The following ABTB3 variants were observed in gnomAD, a reference collection of about 807,000 sequenced individuals.
ABTB3 encodes ankyrin repeat- and BTB/POZ domain-containing protein 3.
At chr12:107,419,612 G>C in the ABTB3 span, among the ~76,000 whole-genome samples, 1 of 152,090 alleles carries the variant, frequency 6.6e-6, no homozygotes, top group African/African-American at 2.4e-5. Context: ...GTTACCCCCA[G>C]CTGCTTAACC....
At chr12:107,576,508 G>T in the ABTB3 span, among the ~76,000 whole-genome samples, 1 of 152,142 alleles carries the variant, frequency 6.6e-6, no homozygotes, top group African/African-American at 2.4e-5. Context: ...TTCTTCTAAG[G>T]ACATCAGTCA....
the ABTB3 span, among the ~76,000 whole-genome samples, chr12:107,607,083 A>T: frequency 6.6e-6 from 1 of 152,160 alleles, no homozygotes; most frequent in Non-Finnish European, 1.5e-5. Context: ...TTCTGGAAGG[A>T]TCCATGGTTT....
chr12:107,366,737 G>A, the ABTB3 span, among the ~76,000 whole-genome samples: 1 of 152,202 alleles, frequency 6.6e-6, no homozygotes, highest in Non-Finnish European at 1.5e-5. Flanking sequence ...TCCACATTGA[G>A]TCTATATTGG....
At chr12:107,344,440 C>T in the ABTB3 span, among the ~76,000 whole-genome samples, 1 of 152,232 alleles carries the variant, frequency 6.6e-6, no homozygotes. Flanking sequence ...TATTGTGTTT[C>T]AGGCAGAGTA....
At chr12:107,473,098 A>C in the ABTB3 span, among the ~76,000 whole-genome samples, 1 of 152,154 alleles carries the variant, frequency 6.6e-6, no homozygotes, top group Non-Finnish European at 1.5e-5. Context: ...AGCTTTGTGG[A>C]TCCTTTGCAC....
the ABTB3 span, among the ~76,000 whole-genome samples, chr12:107,604,633 G>A: frequency 6.6e-6 from 1 of 152,280 alleles, no homozygotes; most frequent in Admixed American, 6.5e-5. Context: ...TGGCAAGAGT[G>A]TCAAGAAAAG....
At chr12:107,607,899 T>C in the ABTB3 span, among the ~76,000 whole-genome samples, 1 of 152,164 alleles carries the variant, frequency 6.6e-6, no homozygotes, top group South Asian at 2.1e-4. Context: ...ACTCCTCAGC[T>C]ACTGAGGAGT....
At chr12:107,638,848 G>A in the ABTB3 span, among the ~76,000 whole-genome samples, 1 of 152,180 alleles carries the variant, frequency 6.6e-6, no homozygotes, top group Non-Finnish European at 1.5e-5. Flanking sequence ...CAAGGTTACA[G>A]AGCTGAGATT....
At chr12:107,645,172 G>A in the ABTB3 span, among the ~76,000 whole-genome samples, 10 of 151,904 alleles carry the variant, frequency 6.6e-5, 1 homozygote, top group Admixed American at 4.6e-4. Flanking sequence ...TTTCCATGTC[G>A]GCCAGGCTGG....
chr12:107,597,592 C>G, the ABTB3 span, among the ~76,000 whole-genome samples: 3 of 152,168 alleles, frequency 2.0e-5, no homozygotes, highest in Non-Finnish European at 2.9e-5. Context: ...ACCACAATAG[C>G]AATTAAATTT....
the ABTB3 span, among the ~76,000 whole-genome samples, chr12:107,397,959 C>T: frequency 2.3e-4 from 35 of 152,170 alleles, no homozygotes; most frequent in Admixed American, 9.8e-4. Context: ...TTTTTCTCTT[C>T]GCCTGGATAG....
At chr12:107,599,216 G>A in the ABTB3 span, among the ~76,000 whole-genome samples, 12 of 152,168 alleles carry the variant, frequency 7.9e-5, no homozygotes, top group African/African-American at 2.6e-4. Context: ...TACACATCCC[G>A]CTTTTCTCAG....
the ABTB3 span, among the ~76,000 whole-genome samples, chr12:107,367,378 T>C: frequency 6.6e-6 from 1 of 152,242 alleles, no homozygotes; most frequent in South Asian, 2.1e-4. Flanking sequence ...TTTTTCCTCT[T>C]TCCTTTTTGT....
the ABTB3 span, among the ~76,000 whole-genome samples, chr12:107,396,267 T>C: frequency 6.6e-6 from 1 of 152,362 alleles, no homozygotes; most frequent in African/African-American, 2.4e-5. Flanking sequence ...GAACAATGCC[T>C]GCCACTCACA....
the ABTB3 span, among the ~76,000 whole-genome samples, chr12:107,400,957 C>T: frequency 3.9e-5 from 6 of 152,144 alleles, no homozygotes; most frequent in African/African-American, 1.2e-4. Context: ...TGTCGAGGAG[C>T]GATCAGCCAT....
At chr12:107,475,593 A>T in the ABTB3 span, among the ~76,000 whole-genome samples, 1 of 152,224 alleles carries the variant, frequency 6.6e-6, no homozygotes, top group Non-Finnish European at 1.5e-5. Context: ...TGCAAACCCC[A>T]GGAGCACAGG....
chr12:107,652,599 T>G, the ABTB3 span, among the ~76,000 whole-genome samples: 3 of 152,338 alleles, frequency 2.0e-5, no homozygotes, highest in South Asian at 2.1e-4. Context: ...GGGAGCTTGC[T>G]GAATGCCAGT....
At chr12:107,584,027 A>G in the ABTB3 span, among the ~76,000 whole-genome samples, 10 of 152,358 alleles carry the variant, frequency 6.6e-5, no homozygotes, top group East Asian at 1.5e-3. Context: ...AAGGATTTAC[A>G]AGTTCTATTA....
chr12:107,355,372 G>A, the ABTB3 span, among the ~76,000 whole-genome samples: 9 of 152,376 alleles, frequency 5.9e-5, no homozygotes, highest in East Asian at 9.7e-4. Context: ...ACTGGACCAC[G>A]TGGAACAGCT....
Sources: allele counts gnomAD v4.1 joint callset (sites outside exome capture counted in the v4.1 genomes callset), GRCh38; gene constraint gnomAD v4.1.1; transcripts MANE v1.5; gene names NCBI Gene and HGNC (gene_info 2026-07-23, HGNC 2026-07-21).